NCK1: variants seen among roughly 807,000 people sequenced by gnomAD.
The protein encoded by NCK1 is SH2/SH3 adapter protein NCK1.
A neutral mutation model predicts 36.6 loss-of-function variants in NCK1; 19 were observed. The ratio of observed to expected loss-of-function variants is 0.52; its 90% CI spans 0.36 to 0.76. The LOEUF is 0.76. NCK1 is among the 30% of genes least tolerant of loss of function. The pLI, the probability that NCK1 is intolerant of heterozygous loss-of-function variation, is 0.00. For missense variants in NCK1, 358 were observed against 445.6 expected (o/e 0.80, Z 1.77); for synonymous variants, 165 against 156.0 (o/e 1.06, Z -0.43).
chr3:136,877,690 G>T (rs139194697), intron 1 of NCK1, among the ~76,000 whole-genome samples: 118 of 152,272 alleles, frequency 7.7e-4, no homozygotes, highest in African/African-American at 2.5e-3. Flanking sequence ...AATAAAATCT[G>T]GAAACTGGAA....
intron 1 of NCK1, among the ~76,000 whole-genome samples, chr3:136,879,888 T>C (rs182121777): frequency 2.0e-5 from 3 of 151,420 alleles, no homozygotes; most frequent in African/African-American, 7.3e-5. Flanking sequence ...AAATACTTAA[T>C]GTAAATGACA....
intron 1 of NCK1, among the ~76,000 whole-genome samples, chr3:136,887,344 T>A (rs991460539): frequency 6.6e-6 from 1 of 152,140 alleles, no homozygotes; most frequent in Non-Finnish European, 1.5e-5. Context: ...TTTTTTTCTA[T>A]CTTAACATAA....
At chr3:136,878,709 A>AT (rs113401275) in intron 1 of NCK1, among the ~76,000 whole-genome samples, 89 of 16,256 alleles carry the variant, frequency 5.5e-3, no homozygotes, top group African/African-American at 0.013. Flanking sequence ...CAATAAAGCT[A>AT]TTTTTTTTTA....
At chr3:136,906,474 A>G (rs1939689589) in intron 1 of NCK1, among the ~76,000 whole-genome samples, 1 of 152,126 alleles carries the variant, frequency 6.6e-6, no homozygotes, top group Non-Finnish European at 1.5e-5. Context: ...CAGTGGTGGC[A>G]CCAGTGGGTT....
rs566080448 is a variant in NCK1, at chr3:136,869,470, G to C, written c.-19+7117G>C. 2.0e-5 allele frequency among the ~76,000 whole-genome samples: 3 copies of C among 152,120 alleles called. No homozygotes were observed. In the East Asian group the frequency reaches 5.8e-4, roughly 29 times the overall value. On this transcript the variant is annotated intron_variant, in intron 1 of 3. Transcript: ENST00000481752. ...TGAGACAGGAGAATCACTTAAACCC[G>C]GGAGGCAGGGGTTGCGGGGTTGTGA... is the stretch of plus-strand genomic sequence containing the variant.
chr3:136,868,436 T>C (rs1938511968), intron 1 of NCK1, among the ~76,000 whole-genome samples: 1 of 152,022 alleles, frequency 6.6e-6, no homozygotes, highest in East Asian at 1.9e-4. Context: ...CAAGGGATTC[T>C]CCTGCCTCAG....
At chr3:136,929,129 T>C (rs962285616) in intron 2 of NCK1, among the ~76,000 whole-genome samples, 8 of 152,160 alleles carry the variant, frequency 5.3e-5, no homozygotes, top group African/African-American at 1.9e-4. Flanking sequence ...GATGGAGTCT[T>C]GCTCTGTTGT....
intron 1 of NCK1, among the ~76,000 whole-genome samples, chr3:136,886,293 T>C (rs1238557420): frequency 1.3e-5 from 2 of 152,128 alleles, no homozygotes; most frequent in African/African-American, 4.8e-5. Context: ...TAGTATATAC[T>C]TGTCCTTTGG....
intron 2 of NCK1, among the ~76,000 whole-genome samples, chr3:136,934,313 T>C (rs1030568242): frequency 1.3e-5 from 2 of 152,098 alleles, no homozygotes; most frequent in African/African-American, 4.8e-5. Context: ...TGAGACCAAG[T>C]CTCACTCTGT....
At chr3:136,905,403 A>G (rs924559762) in intron 1 of NCK1, among the ~76,000 whole-genome samples, 4 of 149,792 alleles carry the variant, frequency 2.7e-5, no homozygotes, top group South Asian at 2.1e-4. Flanking sequence ...AATTTTTTGT[A>G]TTGTTTTTCA....
intron 1 of NCK1, among the ~76,000 whole-genome samples, chr3:136,880,390 G>A (rs1358484067): frequency 2.6e-5 from 4 of 152,210 alleles, no homozygotes; most frequent in African/African-American, 9.6e-5. Context: ...ATGACTTCGG[G>A]CCTTTTAAAA....
chr3:136,944,175 G>C (rs1409857362), intron 2 of NCK1, among the ~76,000 whole-genome samples: 2 of 140,362 alleles, frequency 1.4e-5, no homozygotes, highest in Admixed American at 7.4e-5. Flanking sequence ...CTGGAGTATA[G>C]TGACGTGATC....
At chr3:136,939,124 G>A (rs370253889) in intron 2 of NCK1, among the ~76,000 whole-genome samples, 21 of 152,110 alleles carry the variant, frequency 1.4e-4, no homozygotes, top group Admixed American at 8.5e-4. Flanking sequence ...TTTTTGATGC[G>A]AGATGTTTTG....
chr3:136,937,825 G>A (rs1177225925), intron 2 of NCK1, among the ~76,000 whole-genome samples: 1 of 152,140 alleles, frequency 6.6e-6, no homozygotes, highest in Admixed American at 6.5e-5. Flanking sequence ...CTCTGTGTGA[G>A]TGTGTGGGTG....
chr3:136,880,387 C>T (rs1401151851), intron 1 of NCK1, among the ~76,000 whole-genome samples: 7 of 151,972 alleles, frequency 4.6e-5, no homozygotes, highest in African/African-American at 7.2e-5. Context: ...ACCATGACTT[C>T]GGGCCTTTTA....
intron 1 of NCK1, among the ~76,000 whole-genome samples, chr3:136,913,389 T>G (rs1324385124): frequency 1.3e-5 from 2 of 151,962 alleles, no homozygotes; most frequent in East Asian, 1.9e-4. Context: ...AGGATCCTCC[T>G]TCCTGAGGAG....
At chr3:136,912,283 C>G (rs1939847687) in intron 1 of NCK1, among the ~76,000 whole-genome samples, 1 of 151,692 alleles carries the variant, frequency 6.6e-6, no homozygotes. Flanking sequence ...CTGCCTCAGC[C>G]TCCCACGTAG....
intron 1 of NCK1, among the ~76,000 whole-genome samples, chr3:136,913,858 C>T (rs1311177145): frequency 1.3e-5 from 2 of 152,102 alleles, no homozygotes; most frequent in Admixed American, 6.5e-5. Flanking sequence ...TTATTAGAGA[C>T]GGGGTTTCAC....
intron 1 of NCK1, among the ~76,000 whole-genome samples, chr3:136,878,387 C>G (rs1335908379): frequency 6.6e-6 from 1 of 152,082 alleles, no homozygotes; most frequent in Non-Finnish European, 1.5e-5. Context: ...CTAGCCAGGG[C>G]GACAGAGTGG....
Sources: allele counts gnomAD v4.1 joint callset (sites outside exome capture counted in the v4.1 genomes callset), GRCh38; gene constraint gnomAD v4.1.1; transcripts MANE v1.5; gene names NCBI Gene and HGNC (gene_info 2026-07-23, HGNC 2026-07-21).